RBFOX1: variants seen among roughly 807,000 people sequenced by gnomAD.
The protein encoded by RBFOX1 is RNA binding protein fox-1 homolog 1.
Under a neutral mutation model 57.7 loss-of-function variants are expected in RBFOX1, and 8 were observed. The ratio of observed to expected loss-of-function variants is 0.14; its 90% CI spans 0.08 to 0.25. RBFOX1 has a LOEUF of 0.25. Ranked by LOEUF, RBFOX1 falls within the 10% of genes least tolerant of loss-of-function variation. The pLI is 1.00. For synonymous variants in RBFOX1, 326 were observed against 222.4 expected, an observed-to-expected ratio of 1.47 and a Z score of -4.15; for missense variants, 611 against 548.5, an observed-to-expected ratio of 1.11 and a Z score of -1.14.
chr16:6,544,884 G>T (rs901259614), intron 2 of RBFOX1, among the ~76,000 whole-genome samples: 1 of 152,206 alleles, frequency 6.6e-6, no homozygotes, highest in Non-Finnish European at 1.5e-5. Flanking sequence ...CCTTTGCCCA[G>T]TACCATTGTT....
chr16:6,969,524 C>T (rs780942363), intron 3 of RBFOX1, among the ~76,000 whole-genome samples: 4 of 151,802 alleles, frequency 2.6e-5, no homozygotes, highest in Non-Finnish European at 4.4e-5. Context: ...CGATTGAGCT[C>T]GGGAGTTTGA....
intron 3 of RBFOX1, among the ~76,000 whole-genome samples, chr16:5,778,793 T>G (rs1273899914): frequency 9.2e-5 from 14 of 152,188 alleles, no homozygotes. Flanking sequence ...TCAGCCACTG[T>G]GCAAGCTCAG....
chr16:7,067,613 C>A (rs57049158), intron 4 of RBFOX1, among the ~76,000 whole-genome samples: 9,849 of 151,020 alleles, frequency 0.065, 1,079 homozygotes, highest in African/African-American at 0.23. Flanking sequence ...TATACATGTG[C>A]CATGTTGGTG....
At chr16:6,594,999 G>T (rs983922378) in intron 2 of RBFOX1, among the ~76,000 whole-genome samples, 4 of 152,108 alleles carry the variant, frequency 2.6e-5, no homozygotes, top group Non-Finnish European at 4.4e-5. Flanking sequence ...GTGTTGGCCA[G>T]GCTGGTCTTG....
At chr16:6,399,737 G>T (rs1455482967) in intron 2 of RBFOX1, among the ~76,000 whole-genome samples, 2 of 152,034 alleles carry the variant, frequency 1.3e-5, no homozygotes, top group Non-Finnish European at 2.9e-5. Flanking sequence ...TTCTCAAGCT[G>T]CTATGAAGAA....
intron 3 of RBFOX1, among the ~76,000 whole-genome samples, chr16:6,726,956 C>G (rs1386098493): frequency 6.6e-6 from 1 of 151,472 alleles, no homozygotes; most frequent in East Asian, 2.0e-4. Context: ...AATGGCACAG[C>G]CTATGTGCTA....
chr16:5,491,115 A>G (rs2042813613), intron 2 of RBFOX1, among the ~76,000 whole-genome samples: 1 of 152,206 alleles, frequency 6.6e-6, no homozygotes, highest in South Asian at 2.1e-4. Context: ...CCACCGTCAT[A>G]TCTGCAGTCT....
intron 3 of RBFOX1, among the ~76,000 whole-genome samples, chr16:5,696,427 G>A (rs1397271880): frequency 6.6e-6 from 1 of 152,136 alleles, no homozygotes; most frequent in Non-Finnish European, 1.5e-5. Flanking sequence ...GGACATTCAG[G>A]TTATTTACAT....
chr16:7,349,802 A>G (rs553819815), intron 4 of RBFOX1, among the ~76,000 whole-genome samples: 20 of 152,220 alleles, frequency 1.3e-4, no homozygotes, highest in Non-Finnish European at 2.8e-4. Flanking sequence ...AAAATAAAGC[A>G]GAAAATAACC....
At chr16:6,117,384 A>G (rs545854282) in intron 1 of RBFOX1, among the ~76,000 whole-genome samples, 82 of 152,356 alleles carry the variant, frequency 5.4e-4, no homozygotes, top group African/African-American at 1.8e-3. Context: ...AACTAATAAC[A>G]ATTATGTTCA....
intron 4 of RBFOX1, among the ~76,000 whole-genome samples, chr16:7,362,070 T>C (rs967032705): frequency 1.3e-5 from 2 of 151,782 alleles, no homozygotes; most frequent in Admixed American, 1.3e-4. Context: ...TGTTAGTACG[T>C]GTTTTTTGGT....
At chr16:5,673,410 T>C (rs558205161) in intron 3 of RBFOX1, among the ~76,000 whole-genome samples, 1 of 151,930 alleles carries the variant, frequency 6.6e-6, no homozygotes, top group South Asian at 2.1e-4. Flanking sequence ...GAACCCATCC[T>C]GAAGGCTCTG....
intron 4 of RBFOX1, among the ~76,000 whole-genome samples, chr16:7,126,895 G>C (rs1438227757): frequency 1.3e-5 from 2 of 151,668 alleles, no homozygotes; most frequent in Non-Finnish European, 1.5e-5. Flanking sequence ...TGTAATCCCA[G>C]CTACTTGGGA....
At chr16:6,456,109 A>G (rs1365190557) in intron 2 of RBFOX1, among the ~76,000 whole-genome samples, 3 of 152,206 alleles carry the variant, frequency 2.0e-5, no homozygotes, top group African/African-American at 7.2e-5. Flanking sequence ...ACAATAATTT[A>G]TTTAGCACCT....
chr16:7,191,443 C>G (rs1399776573), intron 4 of RBFOX1, among the ~76,000 whole-genome samples: 2 of 151,820 alleles, frequency 1.3e-5, no homozygotes, highest in Non-Finnish European at 2.9e-5. Context: ...TGGCTTGTAA[C>G]ACATCATTTA....
At chr16:5,823,730 C>T (rs540051061) in intron 3 of RBFOX1, among the ~76,000 whole-genome samples, 2 of 152,128 alleles carry the variant, frequency 1.3e-5, no homozygotes, top group Non-Finnish European at 2.9e-5. Flanking sequence ...GTTGCATGCT[C>T]CTTATGAGAA....
intron 4 of RBFOX1, among the ~76,000 whole-genome samples, chr16:7,289,556 T>C (rs1214876861): frequency 2.6e-5 from 4 of 152,140 alleles, no homozygotes; most frequent in Non-Finnish European, 4.4e-5. Context: ...AATATGATAA[T>C]GATGATCATC....
At chr16:7,195,653 G>T (rs1309847561) in intron 4 of RBFOX1, among the ~76,000 whole-genome samples, 1 of 152,150 alleles carries the variant, frequency 6.6e-6, no homozygotes, top group Non-Finnish European at 1.5e-5. Flanking sequence ...CACCTCCCAG[G>T]TTCAAGCGAT....
intron 1 of RBFOX1, among the ~76,000 whole-genome samples, chr16:6,284,111 G>A (rs977997519): frequency 1.8e-4 from 27 of 152,144 alleles, no homozygotes; most frequent in African/African-American, 6.5e-4. Flanking sequence ...ACAACATCTA[G>A]GCCATTGGTA....
Sources: gnomAD v4.1 joint callset for allele counts (sites outside exome capture counted in the v4.1 genomes callset) on GRCh38, gnomAD v4.1.1 for gene constraint, MANE v1.5 for transcripts, NCBI Gene and HGNC (gene_info 2026-07-23, HGNC 2026-07-21) for gene names.